DPP6: variants seen among roughly 807,000 people sequenced by gnomAD.
DPP6 encodes A-type potassium channel modulatory protein DPP6.
In DPP6, 69 loss-of-function variants were observed where a neutral mutation model predicts 122.6. The ratio of observed to expected loss-of-function variants is 0.56; its 90% CI spans 0.46 to 0.69. The LOEUF (loss-of-function observed/expected upper bound fraction) is 0.69, where lower values mean the gene tolerates loss of function less well. Among genes scored for constraint, DPP6 ranks in the 30% least tolerant of loss-of-function variants. The pLI, the probability that DPP6 is intolerant of heterozygous loss-of-function variation, is 0.00. For synonymous variants in DPP6, 418 were observed against 433.1 expected (o/e 0.97, Z 0.43); for missense variants, 928 against 1,116.9 (o/e 0.83, Z 2.41).
At chr7:154,691,818 CA>C (rs10712060) in intron 7 of DPP6, among the ~76,000 whole-genome samples, 136,203 of 150,842 alleles carry the variant, frequency 0.9, 62,129 homozygotes, top group South Asian at 1. Flanking sequence ...GACTCTGTCT[CA>C]AAAAAACAAA....
intron 1 of DPP6, among the ~76,000 whole-genome samples, chr7:154,046,298 A>G (rs1381413982): frequency 6.6e-6 from 1 of 152,206 alleles, no homozygotes; most frequent in East Asian, 1.9e-4. Context: ...CTCTGCCTGC[A>G]TCATGTCCAC....
chr7:153,977,412 G>A lies in DPP6; in HGVS notation c.51+89678G>A, dbSNP rs146421748. 5.1e-3 allele frequency among the ~76,000 whole-genome samples: 776 copies of A among 152,330 alleles called. 12 individuals carry two copies. Among genetic ancestry groups the A allele is most frequent in the African/African-American group, 0.018 (732 of 41,580 alleles). ...TTGCCACAATCAGTACTGGGCTTCA[G>A]TGGTCTTTCTCCCTCTATTATATCA... On this transcript the variant is annotated intron_variant, in intron 1 of 25. Coordinates refer to the DPP6 transcript ENST00000404039.
intron 1 of DPP6, among the ~76,000 whole-genome samples, chr7:154,137,761 G>C (rs969764948): frequency 6.6e-6 from 1 of 151,968 alleles, no homozygotes; most frequent in Admixed American, 6.5e-5. Context: ...GAATGATCAT[G>C]ATCAGCTGCC....
At chr7:154,374,090 C>T (rs1812905524) in intron 1 of DPP6, among the ~76,000 whole-genome samples, 1 of 152,188 alleles carries the variant, frequency 6.6e-6, no homozygotes, top group African/African-American at 2.4e-5. Context: ...CTGCCTAACC[C>T]TGTCACGTTG....
chr7:154,565,745 G>A (rs554930825), intron 4 of DPP6, among the ~76,000 whole-genome samples: 96 of 152,268 alleles, frequency 6.3e-4, no homozygotes, highest in Non-Finnish European at 1.1e-3. Flanking sequence ...GGCTGGTCTC[G>A]AACTCCTGAC....
chr7:154,324,251 C>G (rs568089082), intron 1 of DPP6, among the ~76,000 whole-genome samples: 1 of 152,362 alleles, frequency 6.6e-6, no homozygotes, highest in South Asian at 2.1e-4. Context: ...GAGCTGATGT[C>G]TGCTCCTAGC....
the DPP6 span, among the ~76,000 whole-genome samples, chr7:153,765,424 C>T: frequency 4.2e-3 from 634 of 152,106 alleles, 10 homozygotes; most frequent in African/African-American, 0.014. Flanking sequence ...CACCTGTAAT[C>T]CCTGCTACTT....
intron 1 of DPP6, among the ~76,000 whole-genome samples, chr7:154,417,827 A>C (rs1817155043): frequency 6.6e-6 from 1 of 152,142 alleles, no homozygotes; most frequent in Admixed American, 6.5e-5. Flanking sequence ...CTCTTGCCTA[A>C]ACTCTTCAAA....
intron 1 of DPP6, among the ~76,000 whole-genome samples, chr7:154,294,608 A>G (rs1221819221): frequency 6.6e-6 from 1 of 152,202 alleles, no homozygotes; most frequent in Admixed American, 6.5e-5. Context: ...ACATTCTCCT[A>G]TGTAGGCATG....
intron 1 of DPP6, among the ~76,000 whole-genome samples, chr7:153,925,051 C>T (rs368231888): frequency 1.1e-4 from 16 of 152,092 alleles, no homozygotes; most frequent in African/African-American, 2.7e-4. Context: ...GCCTGCTGAT[C>T]GACCCAAAGT....
intron 10 of DPP6, among the ~76,000 whole-genome samples, chr7:154,783,440 AACAGG>A (rs1563205888): frequency 6.6e-6 from 1 of 152,142 alleles, no homozygotes; most frequent in Non-Finnish European, 1.5e-5. Context: ...TGCAGACACC[AACAGG>A]TTTACAGGGA....
chr7:154,684,630 G>A (rs1325636667), intron 7 of DPP6, among the ~76,000 whole-genome samples: 3 of 152,130 alleles, frequency 2.0e-5, no homozygotes. Context: ...AGCCTTTTCA[G>A]CCACCACATG....
chr7:153,959,564 C>T (rs1795242955), intron 1 of DPP6, among the ~76,000 whole-genome samples: 2 of 152,266 alleles, frequency 1.3e-5, no homozygotes, highest in Admixed American at 1.3e-4. Flanking sequence ...GGTTTTGCTC[C>T]TTAAACCTCA....
rs79565226 is a variant in DPP6, at chr7:154,283,693, G to A, written c.244-162521G>A. The stretch of plus-strand genomic sequence containing the variant: ...GAACTTGTGCATCGTTGATGATCTC[G>A]ACGATCTTGCTAAATTGAAGCTTGG... On this transcript the variant is annotated intron_variant, in intron 1 of 25. Coordinates refer to ENST00000377770, the MANE Select transcript of DPP6 (RefSeq NM_130797.4). Among the ~76,000 whole-genome samples, 1,154 of 152,248 alleles carry A rather than the reference G, an allele frequency of 7.6e-3. 23 individuals carry two copies. Among genetic ancestry groups the A allele is most frequent in the African/African-American group, 0.026 (1,071 of 41,536 alleles).
In DPP6 at chr7:154,403,037, A is replaced by C. The variant is rs1815772692; in HGVS notation, c.244-43177A>C. 6.6e-6 allele frequency among the ~76,000 whole-genome samples: 1 copy of C among 152,222 alleles called. No individual in the cohort carries two copies. The highest frequency in any genetic ancestry group is 1.5e-5 in the Non-Finnish European group (1 of 68,026). Reference sequence around the variant, plus strand: ...TTATGATGTGTAAAACAGAGATGCTAATAGCTAATTATCAGAGTTATTTAT... The same window carrying C: ...TTATGATGTGTAAAACAGAGATGCTCATAGCTAATTATCAGAGTTATTTAT... On this transcript the variant is annotated intron_variant, in intron 1 of 25. Coordinates refer to ENST00000377770, the MANE Select transcript of DPP6 (RefSeq NM_130797.4). This position sits in a 1 kb window ranked among gnomAD's most constrained non-coding sequence, Gnocchi z 4.1.
chr7:154,061,954 C>G (rs115322760), intron 1 of DPP6, among the ~76,000 whole-genome samples: 1 of 107,428 alleles, frequency 9.3e-6, no homozygotes, highest in East Asian at 3.1e-4. Context: ...GGCAACCCTG[C>G]GAGGGTGGGG....
At chr7:154,643,696 C>T (rs1440713584) in intron 6 of DPP6, among the ~76,000 whole-genome samples, 2 of 152,092 alleles carry the variant, frequency 1.3e-5, no homozygotes, top group African/African-American at 4.8e-5. Flanking sequence ...TCTCGATCTC[C>T]TGACCTCGTG....
the DPP6 span, among the ~76,000 whole-genome samples, chr7:153,829,084 G>A: frequency 6.6e-6 from 1 of 152,186 alleles, no homozygotes; most frequent in Non-Finnish European, 1.5e-5. Flanking sequence ...ACAAAGGCAG[G>A]CCCAGGAGCC....
chr7:154,382,593 C>A (rs7804042), intron 1 of DPP6, among the ~76,000 whole-genome samples: 21,507 of 152,180 alleles, frequency 0.14, 2,224 homozygotes, highest in African/African-American at 0.29. Context: ...CTCTGTGCTG[C>A]GCTCAGCGCT....
Sources: allele counts gnomAD v4.1 joint callset (sites outside exome capture counted in the v4.1 genomes callset), GRCh38; gene constraint gnomAD v4.1.1; non-coding constraint Gnocchi (gnomAD v3.1); transcripts MANE v1.5; gene names NCBI Gene and HGNC (gene_info 2026-07-23, HGNC 2026-07-21).